Variants in DSCAML1 observed in about 807,000 individuals in gnomAD.
DSCAML1 encodes the protein DS cell adhesion molecule like 1, also known as cell adhesion molecule DSCAML1.
Under a neutral mutation model 200.5 loss-of-function variants are expected in DSCAML1, and 38 were observed. That is an observed-to-expected ratio of 0.19 (90% CI 0.15 to 0.25). The LOEUF (loss-of-function observed/expected upper bound fraction) is 0.25, where lower values mean the gene tolerates loss of function less well. DSCAML1 is among the 10% of genes least tolerant of loss of function. The probability of loss-of-function intolerance (pLI) is 1.00; values close to 1 mark genes in which losing one functional copy is unlikely to be tolerated. For missense variants in DSCAML1, 2,223 were observed against 2,858.8 expected (o/e 0.78, Z 5.07); for synonymous variants, 1,215 against 1,165.0 (o/e 1.04, Z -0.87).
chr11:117,428,108 C>G lies in DSCAML1; in HGVS notation c.*220G>C. Reference sequence around the variant, plus strand: ...TGTGGGGTGGGGGATTTGACTTGTACTGTCAAATTCTTTGTGCCCTGGCTT... The same window carrying G: ...TGTGGGGTGGGGGATTTGACTTGTAGTGTCAAATTCTTTGTGCCCTGGCTT... On this transcript the variant is annotated 3_prime_UTR_variant, in exon 33 of 33. Transcript: ENST00000651296. 1 of 484,584 alleles carries G rather than the reference C, an allele frequency of 2.1e-6. No individual in the cohort carries two copies. Among genetic ancestry groups the G allele is most frequent in the Non-Finnish European group, 3.6e-6 (1 of 275,292 alleles). The allele number at this position is 484,584 out of a possible 1,614,324, so 30.0% of individuals were successfully genotyped here.
rs965955597 is a variant in DSCAML1, at chr11:117,749,350, C to G, written c.511+27441G>C. Among the ~76,000 whole-genome samples the G allele has an allele frequency of 2.6e-5, 4 of 152,354 alleles. No individual in the cohort carries two copies. In the South Asian group the frequency reaches 6.2e-4, roughly 24 times the overall value. Reference sequence around the variant, plus strand: ...GAGAGCGGCATGTACAGAGAACGAGCCTTCCTCCCAGAAGCAGCTTTCTTT... The same window carrying G: ...GAGAGCGGCATGTACAGAGAACGAGGCTTCCTCCCAGAAGCAGCTTTCTTT... On this transcript the variant is annotated intron_variant, in intron 3 of 32. Transcript: ENST00000651296.
intron 3 of DSCAML1, among the ~76,000 whole-genome samples, chr11:117,546,010 G>A (rs1461326518): frequency 1.3e-5 from 2 of 152,212 alleles, no homozygotes; most frequent in East Asian, 1.9e-4. Flanking sequence ...GCGGGACCTC[G>A]GCTATGCGAA....
chr11:117,452,432 TAGAC>T (rs1182548349), intron 19 of DSCAML1, among the ~76,000 whole-genome samples: 2 of 152,226 alleles, frequency 1.3e-5, no homozygotes, highest in Non-Finnish European at 2.9e-5. Flanking sequence ...AGTTTTCTAT[TAGAC>T]AGTTTGAATG....
intron 3 of DSCAML1, among the ~76,000 whole-genome samples, chr11:117,703,512 G>C (rs2053702909): frequency 6.6e-6 from 1 of 152,116 alleles, no homozygotes; most frequent in Non-Finnish European, 1.5e-5. Flanking sequence ...CTAGTTTCCT[G>C]GTCCCAGGAA....
intron 3 of DSCAML1, among the ~76,000 whole-genome samples, chr11:117,750,182 A>G (rs1047326017): frequency 6.6e-6 from 1 of 152,194 alleles, no homozygotes; most frequent in Non-Finnish European, 1.5e-5. Context: ...AGCCTCCAGC[A>G]AGGAGTTAAG....
At chr11:117,493,788 C>T (rs1182316858) in intron 11 of DSCAML1, among the ~76,000 whole-genome samples, 2 of 152,050 alleles carry the variant, frequency 1.3e-5, no homozygotes, top group African/African-American at 2.4e-5. Context: ...CCACCATGCC[C>T]GGTTAATTTT....
intron 3 of DSCAML1, among the ~76,000 whole-genome samples, chr11:117,696,846 C>A (rs2053594534): frequency 6.6e-6 from 1 of 152,192 alleles, no homozygotes; most frequent in Admixed American, 6.5e-5. Context: ...TCAATCCCTG[C>A]CCAACACCTT....
At chr11:117,555,281 G>T (rs1384616454) in intron 3 of DSCAML1, among the ~76,000 whole-genome samples, 2 of 152,242 alleles carry the variant, frequency 1.3e-5, no homozygotes, top group African/African-American at 4.8e-5. Flanking sequence ...TCAAGATCTT[G>T]TTCAGATCTG....
intron 5 of DSCAML1, among the ~76,000 whole-genome samples, chr11:117,524,478 C>T (rs1030341531): frequency 1.3e-5 from 2 of 152,242 alleles, no homozygotes; most frequent in African/African-American, 4.8e-5. Context: ...CATCACCCTC[C>T]TCATCCCACT....
At chr11:117,664,608 G>C (rs2052934885) in intron 3 of DSCAML1, among the ~76,000 whole-genome samples, 1 of 152,200 alleles carries the variant, frequency 6.6e-6, no homozygotes, top group African/African-American at 2.4e-5. Flanking sequence ...AAAAGGGTAG[G>C]GGGCACTTAG....
intron 1 of DSCAML1, among the ~76,000 whole-genome samples, chr11:117,794,097 G>A (rs573713508): frequency 3.3e-5 from 5 of 149,436 alleles, no homozygotes; most frequent in East Asian, 2.0e-4. Context: ...ATGCCCTGAC[G>A]AAGGCTTTTA....
At chr11:117,531,898 A>AG (rs2050082918) in intron 4 of DSCAML1, among the ~76,000 whole-genome samples, 1 of 139,674 alleles carries the variant, frequency 7.2e-6, no homozygotes, top group African/African-American at 2.7e-5. Context: ...GGAAAAAGAA[A>AG]GAAAGGGAAG....
At chr11:117,553,781 T>C (rs1447479675) in intron 3 of DSCAML1, among the ~76,000 whole-genome samples, 1 of 152,180 alleles carries the variant, frequency 6.6e-6, no homozygotes, top group Non-Finnish European at 1.5e-5. Flanking sequence ...GCAATTTGGG[T>C]ATGTATCCAG....
At chr11:117,788,072 A>T (rs533930730) in intron 1 of DSCAML1, among the ~76,000 whole-genome samples, 1 of 152,132 alleles carries the variant, frequency 6.6e-6, no homozygotes, top group Non-Finnish European at 1.5e-5. Context: ...TTTATGTTGC[A>T]TCTTGGAAAC....
chr11:117,474,543 C>A (rs1377181310), intron 14 of DSCAML1, among the ~76,000 whole-genome samples: 1 of 152,150 alleles, frequency 6.6e-6, no homozygotes, highest in Non-Finnish European at 1.5e-5. Context: ...ACCTTATAGC[C>A]AAGTTTTTAG....
chr11:117,493,321 CTTT>C (rs35975602), intron 11 of DSCAML1, among the ~76,000 whole-genome samples: 2 of 142,062 alleles, frequency 1.4e-5, no homozygotes, highest in South Asian at 2.3e-4. Flanking sequence ...TGGTCCTCTT[CTTT>C]TTTTTTTTTT....
At chr11:117,626,855 G>A (rs2052057002) in intron 3 of DSCAML1, among the ~76,000 whole-genome samples, 1 of 152,118 alleles carries the variant, frequency 6.6e-6, no homozygotes, top group Admixed American at 6.5e-5. Flanking sequence ...CAGAGTAGGG[G>A]CAAAATCTCA....
In DSCAML1 at chr11:117,462,396, C is replaced by T. The variant is rs115253059; in HGVS notation, c.3266-800G>A. Reference sequence around the variant, plus strand: ...GAGATGACAGGCCTCCGAAACCCCACGCCCCAGGATCCACCTCAGCTCGGG... The same window carrying T: ...GAGATGACAGGCCTCCGAAACCCCATGCCCCAGGATCCACCTCAGCTCGGG... On this transcript the variant is annotated intron_variant, in intron 17 of 32. Coordinates refer to ENST00000651296, the MANE Select transcript of DSCAML1 (RefSeq NM_020693.4). Among the ~76,000 whole-genome samples the T allele has an allele frequency of 2.4e-3, 359 of 152,340 alleles. 3 individuals are homozygous for T. The highest frequency in any genetic ancestry group is 8.0e-3 in the African/African-American group (333 of 41,572).
At chr11:117,444,475 T>C (rs7125516) in intron 20 of DSCAML1, among the ~76,000 whole-genome samples, 58,441 of 151,902 alleles carry the variant, frequency 0.38, 14,531 homozygotes, top group African/African-American at 0.68. Context: ...TGCAGCCTGC[T>C]CTGGCTCCCG....
Sources: gnomAD v4.1 joint callset for allele counts (sites outside exome capture counted in the v4.1 genomes callset) on GRCh38, gnomAD v4.1.1 for gene constraint, MANE v1.5 for transcripts, NCBI Gene and HGNC (gene_info 2026-07-23, HGNC 2026-07-21) for gene names.